DISP3: variants seen among roughly 807,000 people sequenced by gnomAD.
DISP3 encodes protein dispatched homolog 3.
A neutral mutation model predicts 135.3 loss-of-function variants in DISP3; 101 were observed. The ratio of observed to expected loss-of-function variants is 0.75; its 90% CI spans 0.64 to 0.88. The LOEUF (loss-of-function observed/expected upper bound fraction) is 0.88, where lower values mean the gene tolerates loss of function less well. DISP3 is among the 40% of genes least tolerant of loss of function. The pLI, the probability that DISP3 is intolerant of heterozygous loss-of-function variation, is 0.00. For synonymous variants in DISP3, 856 were observed against 817.0 expected, an observed-to-expected ratio of 1.05 and a Z score of -0.81; for missense variants, 1,713 against 1,878.6, an observed-to-expected ratio of 0.91 and a Z score of 1.63.
chr1:11,515,398 A>G lies in DISP3; in HGVS notation c.1483A>G (p.Ile495Val), dbSNP rs761535431. The change falls in exon 5 of 21, where the codon ATT (isoleucine) becomes GTT (valine). Residue 495 changes from isoleucine to valine, a missense_variant. Ile to Val is a conservative substitution (Grantham distance 29). This residue lies in a region of DISP3 where 1,142 missense variants were observed against 1,384.6 expected (regional missense o/e 0.82). Coordinates refer to ENST00000294484, the MANE Select transcript of DISP3 (RefSeq NM_020780.2). ...VFLSFFGIAS[I>V]GLSCLVALFL... ...CCTGTCCTTCTTTGGGATTGCCAGCATTGGTCTCAGCTGCCTGGTGGCCCT... is the reference window on the plus strand; with the variant it reads ...CCTGTCCTTCTTTGGGATTGCCAGCGTTGGTCTCAGCTGCCTGGTGGCCCT... 2.7e-5 allele frequency: 43 copies of G among 1,614,076 alleles called. No individual in the cohort carries two copies. The highest frequency in any genetic ancestry group is 2.0e-4 in the Admixed American group (12 of 60,010).
intron 20 of DISP3, 28 bp downstream of exon 20, chr1:11,535,672 T>G (rs759218601): frequency 1.3e-6 from 2 of 1,595,514 alleles, no homozygotes; most frequent in South Asian, 2.2e-5. Context: ...CTTACCCACT[T>G]CCCACCACAT....
At chr1:11,509,022 A>G (rs2594314) in intron 3 of DISP3, among the ~76,000 whole-genome samples, 75,204 of 151,978 alleles carry the variant, frequency 0.49, 21,324 homozygotes, top group Non-Finnish European at 0.64. Context: ...TTTCTTTCCT[A>G]ATAGAAGTGT....
Position 11,531,267 on chromosome 1 carries a change from T to G in DISP3, c.3229+234T>G, listed in dbSNP as rs116828327. Among the ~76,000 whole-genome samples, 1,271 of 152,042 alleles carry G rather than the reference T, an allele frequency of 8.4e-3. 9 individuals are homozygous for G. Among genetic ancestry groups the G allele is most frequent in the Non-Finnish European group, 0.013 (903 of 67,954 alleles). On this transcript the variant is annotated intron_variant, in intron 16 of 20. Coordinates refer to ENST00000294484, the MANE Select transcript of DISP3 (RefSeq NM_020780.2). The surrounding 1 kb of genome is among the most constrained non-coding windows in gnomAD (Gnocchi z 5.2). ...TGAACAGGACTGGTGCAGAGGTGCA[T>G]GTGTGTGGGATGGGGGCACATCTGC...
Position 11,516,102 on chromosome 1 carries a change from G to A in DISP3, c.1690G>A (p.Ala564Thr), listed in dbSNP as rs368099790. The A allele has an allele frequency of 6.2e-7, 1 of 1,614,158 alleles. No individual in the cohort carries two copies. Among genetic ancestry groups the A allele is most frequent in the South Asian group, 1.1e-5 (1 of 91,084 alleles). The part of the protein sequence containing the change: ...MIHTVQTAGK[A>T]TFFTSLTTAA... ...CCACACCGTCCAAACTGCAGGCAAGGCCACCTTCTTCACCTCCCTGACCAC... is the reference window on the plus strand; with the variant it reads ...CCACACCGTCCAAACTGCAGGCAAGACCACCTTCTTCACCTCCCTGACCAC... Residue 564 changes from alanine (A) to threonine (T), a missense_variant, in exon 6 of 21, where the codon GCC (alanine) becomes ACC (threonine). Coordinates refer to ENST00000294484, the MANE Select transcript of DISP3 (RefSeq NM_020780.2). This position sits in a 1 kb window ranked among gnomAD's most constrained non-coding sequence, Gnocchi z 5.1.
chr1:11,522,528 G>T (rs1393873755), intron 10 of DISP3, among the ~76,000 whole-genome samples: 1 of 150,902 alleles, frequency 6.6e-6, no homozygotes, highest in African/African-American at 2.5e-5. Context: ...TCTGGGGCCA[G>T]GACCCAGCCA....
intron 12 of DISP3, among the ~76,000 whole-genome samples, chr1:11,525,820 G>GT (rs1642399596): frequency 2.6e-5 from 4 of 152,108 alleles, no homozygotes; most frequent in Admixed American, 2.6e-4. Context: ...TTTCTTGGGG[G>GT]TGGGGGGAGG....
At chr1:11,533,475 T>G (rs1297885890) in intron 17 of DISP3, among the ~76,000 whole-genome samples, 2 of 152,116 alleles carry the variant, frequency 1.3e-5, no homozygotes, top group African/African-American at 4.8e-5. Flanking sequence ...CAGGCTGGTC[T>G]CGAACTCCTG....
At chr1:11,526,916 A>G in intron 13 of DISP3, 81 bp downstream of exon 13, 1 of 1,432,460 alleles carries the variant, frequency 7.0e-7, no homozygotes, top group Middle Eastern at 2.5e-4. Context: ...CTCTCTTTTC[A>G]CATGAGGGAT....
rs1026212732 is a variant in DISP3, at chr1:11,531,827, G to A, written c.3375+117G>A. On this transcript the variant is annotated intron_variant, in intron 17 of 20. Transcript: ENST00000294484. The surrounding 1 kb of genome is among the most constrained non-coding windows in gnomAD (Gnocchi z 5.2). The stretch of plus-strand genomic sequence containing the variant: ...AGATGCTGAGGCCCAGAGAGGTGGA[G>A]TGACTTGCCTGAGGTCACATAGTTA... The A allele has an allele frequency of 1.4e-5, 20 of 1,405,470 alleles. No homozygotes were observed. In the African/African-American group the frequency reaches 2.6e-4, roughly 18 times the overall value. The allele number at this position is 1,405,470 out of a possible 1,614,324, so 87.1% of individuals were successfully genotyped here. A position where few individuals can be genotyped will look rare whatever the true frequency, so the allele number is the denominator to read the frequency against.
rs1374904284 is a variant in DISP3 at position 11,499,881 on chromosome 1, G to T, written c.-3-1109G>T. Among the ~76,000 whole-genome samples the T allele has an allele frequency of 6.6e-6, 1 of 152,272 alleles. No individual in the cohort carries two copies. Among genetic ancestry groups the T allele is most frequent in the African/African-American group, 2.4e-5 (1 of 41,476 alleles). ...CCAAAGAATGTTAATAGGAAAGGCA[G>T]CATTAATTAGCTAGCGCTAGCACAA... is the stretch of plus-strand genomic sequence containing the variant. On this transcript the variant is annotated intron_variant, in intron 1 of 20. Transcript: ENST00000294484. This position sits in a 1 kb window ranked among gnomAD's most constrained non-coding sequence, Gnocchi z 5.2.
At chr1:11,522,662 G>A (rs1164768088) in intron 10 of DISP3, among the ~76,000 whole-genome samples, 67 of 93,524 alleles carry the variant, frequency 7.2e-4, no homozygotes, top group East Asian at 5.6e-3. Context: ...CCCAGCCAGA[G>A]CCCAGCCAGG....
At chr1:11,502,461 A>C (rs1641573408) in intron 2 of DISP3, among the ~76,000 whole-genome samples, 1 of 152,026 alleles carries the variant, frequency 6.6e-6, no homozygotes, top group Non-Finnish European at 1.5e-5. Flanking sequence ...GTTGAAGAAG[A>C]CTGAGATAGG....
Position 11,501,836 on chromosome 1 carries a change from C to G in DISP3, c.844C>G (p.Arg282Gly). 6.2e-7 allele frequency: 1 copy of G among 1,611,480 alleles called. No homozygotes were observed. The highest frequency in any genetic ancestry group is 8.5e-7 in the Non-Finnish European group (1 of 1,178,806). ...GCGCATCGAGCTCATCTTCCTGGCG[C>G]GCGGCGACGCGGAGCGCAACATTTT... ...HWRIELIFLA[R>G]GDAERNIFTS... The change falls in exon 2 of 21, where the codon CGC becomes GGC. Residue 282 changes from arginine (R) to glycine (G), a missense_variant. Transcript: ENST00000294484. The surrounding 1 kb of genome is among the most constrained non-coding windows in gnomAD (Gnocchi z 4.9).
In DISP3 at chr1:11,515,372, T is replaced by C. The variant is rs1357263055; in HGVS notation, c.1457T>C (p.Phe486Ser). 2 of 1,614,230 alleles carry C rather than the reference T, an allele frequency of 1.2e-6. No homozygotes were observed. Among genetic ancestry groups the C allele is most frequent in the Non-Finnish European group, 1.7e-6 (2 of 1,180,028 alleles). The change falls in exon 5 of 21, where the codon TTC (phenylalanine) becomes TCC (serine). Residue 486 changes from phenylalanine to serine, a missense_variant. Physicochemically the swap from Phe to Ser is radical, Grantham distance 155. Transcript: ENST00000294484. ...CTGTGTCTCTTACCCTGCCCAGTGTTCCTGTCCTTCTTTGGGATTGCCAGC... is the reference window on the plus strand; with the variant it reads ...CTGTGTCTCTTACCCTGCCCAGTGTCCCTGTCCTTCTTTGGGATTGCCAGC... The part of the protein sequence containing the change: ...LVYILTSCSV[F>S]LSFFGIASIG...
rs1389345190 is a variant in DISP3, at chr1:11,520,990, C to T, written c.2362+142C>T. 1.7e-5 allele frequency: 19 copies of T among 1,090,628 alleles called. No homozygotes were observed. The highest frequency in any genetic ancestry group is 5.5e-5 in the Admixed American group (2 of 36,144). The allele number at this position is 1,090,628 out of a possible 1,614,324, so 67.6% of individuals were successfully genotyped here. A position where few individuals can be genotyped will look rare whatever the true frequency, so the allele number is the denominator to read the frequency against. ...CACTCCCCTCTGAGCCCCCATGTTC[C>T]CACAGTTCATTCAACAGATGCCTGC... On this transcript the variant is annotated intron_variant, in intron 10 of 20. Coordinates refer to ENST00000294484, the MANE Select transcript of DISP3 (RefSeq NM_020780.2). This position sits in a 1 kb window ranked among gnomAD's most constrained non-coding sequence, Gnocchi z 4.8.
chr1:11,502,210 G>A (rs931966328), intron 2 of DISP3, 122 bp downstream of exon 2: 1 of 1,402,714 alleles, frequency 7.1e-7, no homozygotes, highest in African/African-American at 1.4e-5. Flanking sequence ...ACTGAGTCCT[G>A]GGCATGGCCG....
At chr1:11,494,427 T>C in intron 1 of DISP3, among the ~76,000 whole-genome samples, 1 of 152,176 alleles carries the variant, frequency 6.6e-6, no homozygotes, top group East Asian at 1.9e-4. Flanking sequence ...TCCAGCCTCC[T>C]GGCCTAGGTG....
intron 4 of DISP3, 100 bp from the exon 5 acceptor site, chr1:11,515,269 G>T (rs909801402): frequency 1.4e-6 from 2 of 1,457,558 alleles, no homozygotes; most frequent in South Asian, 1.3e-5. Flanking sequence ...ACCAGGGTTG[G>T]GGAGAAGAGA....
intron 17 of DISP3, among the ~76,000 whole-genome samples, chr1:11,532,347 C>G (rs1642596793): frequency 6.6e-6 from 1 of 152,236 alleles, no homozygotes; most frequent in Admixed American, 6.5e-5. Context: ...TGCTCTGTGT[C>G]CCTGAGCAAG....
Sources: gnomAD v4.1 joint callset for allele counts (sites outside exome capture counted in the v4.1 genomes callset) on GRCh38, gnomAD v4.1.1 for gene constraint, gnomAD v4.1.1 regional missense constraint, Gnocchi (gnomAD v3.1) non-coding constraint, MANE v1.5 for transcripts, NCBI Gene and HGNC (gene_info 2026-07-23, HGNC 2026-07-21) for gene names.